The following SPO11 variants were observed in gnomAD, a reference collection of about 807,000 sequenced individuals.
The protein encoded by SPO11 is meiotic recombination protein SPO11.
Under a neutral mutation model 51.6 loss-of-function variants are expected in SPO11, and 49 were observed. The ratio of observed to expected loss-of-function variants is 0.95; its 90% CI spans 0.75 to 1.20. SPO11 has a LOEUF of 1.20. SPO11 is among the 50% of genes most tolerant of loss of function. The pLI, the probability that SPO11 is intolerant of heterozygous loss-of-function variation, is 0.00. For synonymous variants in SPO11, 176 were observed against 158.2 expected (o/e 1.11, Z -0.84); for missense variants, 431 against 473.4 (o/e 0.91, Z 0.83).
rs1161658920 is a variant in SPO11 at position 57,334,077 on chromosome 20, AAGG to A, written c.498_500del (p.Arg166del). On this transcript the variant is annotated inframe_deletion, in exon 5 of 13. Coordinates refer to ENST00000371263, the MANE Select transcript of SPO11 (RefSeq NM_012444.3). ...ACATTTCTTGCATGTTAAAAGTGTC[AAGG>A]AGGAGTCTACATATAGTAAGTAGTA... 1.3e-6 allele frequency: 2 copies of A among 1,573,590 alleles called. No homozygotes were observed. The highest frequency in any genetic ancestry group is 1.4e-5 in the African/African-American group (1 of 73,946).
chr20:57,340,504 C>T (rs1240493938), intron 11 of SPO11, among the ~76,000 whole-genome samples: 1 of 152,224 alleles, frequency 6.6e-6, no homozygotes, highest in Admixed American at 6.5e-5. Flanking sequence ...TGGCTGACGC[C>T]TGTAATCCCA....
At chr20:57,331,162 A>G (rs2066444395) in intron 1 of SPO11, among the ~76,000 whole-genome samples, 2 of 152,248 alleles carry the variant, frequency 1.3e-5, no homozygotes, top group Admixed American at 6.5e-5. Context: ...ATTAACAGTC[A>G]GCTGACAGAA....
In SPO11 at chr20:57,334,215, C is replaced by T. The variant is rs548396383; in HGVS notation, c.510+120C>T. On this transcript the variant is annotated intron_variant, in intron 5 of 12. Transcript: ENST00000371263. ...TGTCGCCTAGGCTGGAGTGCAGTGG[C>T]GCGATCTCAACTCACTGCAAGCTCT... 317 of 324,310 alleles carry T rather than the reference C, an allele frequency of 9.8e-4. 1 individual carries two copies. The highest frequency in any genetic ancestry group is 2.2e-3 in the Middle Eastern group (2 of 926). 20.1% of individuals were successfully genotyped at this position (324,310 alleles called of 1,614,324 possible).
intron 3 of SPO11, 122 bp from the exon 4 acceptor site, chr20:57,333,565 C>A: frequency 1.5e-6 from 1 of 683,604 alleles, no homozygotes; most frequent in Admixed American, 3.0e-5. Flanking sequence ...CTTAACCCTC[C>A]CATTTTGGAA....
At position 57,338,983 on chromosome 20, in the gene SPO11, T is replaced by C; in HGVS notation, c.845-6T>C. 6.8e-7 allele frequency: 1 copy of C among 1,479,462 alleles called. No individual in the cohort carries two copies. Among genetic ancestry groups the C allele is most frequent in the Middle Eastern group, 1.8e-4 (1 of 5,710 alleles). The allele number at this position is 1,479,462 out of a possible 1,614,324, so 91.6% of individuals were successfully genotyped here. The stretch of plus-strand genomic sequence containing the variant: ...ACTAATTTTATAGTTAACTTTCTTT[T>C]AACAGGCATAGAAATAATGTGCATC... On this transcript the variant is annotated splice_polypyrimidine_tract_variant and splice_region_variant and intron_variant, in intron 9 of 12. Coordinates refer to ENST00000371263, the MANE Select transcript of SPO11 (RefSeq NM_012444.3).
chr20:57,338,141 T>C (rs2066535554), intron 8 of SPO11, 135 bp from the exon 9 acceptor site: 1 of 672,406 alleles, frequency 1.5e-6, no homozygotes, highest in South Asian at 1.9e-5. Flanking sequence ...TCCCCCTACC[T>C]TGGCCTCCCA....
In SPO11 at chr20:57,329,891, C is replaced by T. The variant is rs1568754791; in HGVS notation, c.24C>T (p.Pro8=). Residue 8 remains proline (P), a synonymous_variant, in exon 1 of 13, where the codon CCC becomes CCT. Coordinates refer to ENST00000371263, the MANE Select transcript of SPO11 (RefSeq NM_012444.3). MAFAPMG[P]EASFFDVLDR... ...TCATGGCCTTTGCACCTATGGGGCC[C>T]GAGGCCTCGTTCTTCGACGTTTTGG... 6 of 1,613,724 alleles carry T rather than the reference C, an allele frequency of 3.7e-6. No homozygotes were observed. Among genetic ancestry groups the T allele is most frequent in the African/African-American group, 1.3e-5 (1 of 75,066 alleles).
chr20:57,339,385 C>T (rs2066552181), intron 10 of SPO11, among the ~76,000 whole-genome samples: 1 of 152,110 alleles, frequency 6.6e-6, no homozygotes, highest in South Asian at 2.1e-4. Context: ...TTTTCTAATC[C>T]CTTTTCTCCC....
At chr20:57,335,344 A>AC in intron 6 of SPO11, 75 bp from the exon 7 acceptor site, 6 of 1,259,592 alleles carry the variant, frequency 4.8e-6, no homozygotes, top group Non-Finnish European at 6.7e-6. Context: ...AAAAATAAAA[A>AC]CAGAGGGCTT....
At position 57,338,360 on chromosome 20, in the gene SPO11, G is replaced by A; in HGVS notation, c.829G>A (p.Asp277Asn). The A allele has an allele frequency of 6.2e-7, 1 of 1,610,036 alleles. No individual in the cohort carries two copies. Residue 277 changes from aspartate (D) to asparagine (N), a missense_variant, in exon 9 of 13, where the codon GAT becomes AAT. Physicochemically the swap from Asp to Asn is conservative, Grantham distance 23. Transcript: ENST00000371263. ...TCATGTTCCTGTTTTCACTCTTGTA[G>A]ATGCTGATCCACATGGTAATTTATC... ...TFHVPVFTLVDADPHGIEIMC... is the reference protein window; with the variant it reads ...TFHVPVFTLVNADPHGIEIMC...
chr20:57,337,668 C>G, intron 8 of SPO11: 1 of 979,652 alleles, frequency 1.0e-6, no homozygotes, highest in South Asian at 1.4e-5. Flanking sequence ...TCCTTAGGAC[C>G]ATTTCCTAGG....
chr20:57,338,200 AATTAT>A (rs1209373088), intron 8 of SPO11, 71 bp from the exon 9 acceptor site: 1 of 1,102,752 alleles, frequency 9.1e-7, no homozygotes, highest in Non-Finnish European at 1.3e-6. Flanking sequence ...CTAACTTTTA[AATTAT>A]TAATAAGAGT....
chr20:57,336,957 T>C (rs2066520052), intron 8 of SPO11, among the ~76,000 whole-genome samples: 1 of 152,178 alleles, frequency 6.6e-6, no homozygotes, highest in Non-Finnish European at 1.5e-5. Context: ...ACCACGTCTC[T>C]ATGGCTATTC....
rs1317334972 is a variant in SPO11 at position 57,338,798 on chromosome 20, G to T, written c.845-191G>T. On this transcript the variant is annotated intron_variant, in intron 9 of 12. Coordinates refer to ENST00000371263, the MANE Select transcript of SPO11 (RefSeq NM_012444.3). ...CTTATGAAACATTTTAAAAGAAAATGATTACATTAAAATTTGGTCTATAAT... is the reference window on the plus strand; with the variant it reads ...CTTATGAAACATTTTAAAAGAAAATTATTACATTAAAATTTGGTCTATAAT... Among the ~76,000 whole-genome samples the T allele has an allele frequency of 3.3e-5, 5 of 152,002 alleles. 1 individual carries two copies. Among genetic ancestry groups the T allele is most frequent in the Non-Finnish European group, 5.9e-5 (4 of 68,004 alleles).
At position 57,335,855 on chromosome 20, in the gene SPO11, G is replaced by A. The variant is rs1375570979; in HGVS notation, c.692G>A (p.Arg231Gln). Residue 231 changes from arginine to glutamine, a missense_variant, in exon 8 of 13, where the codon CGG becomes CAG. This residue lies in a region of SPO11 where 405 missense variants were observed against 425.9 expected (regional missense o/e 0.95). Coordinates refer to ENST00000371263, the MANE Select transcript of SPO11 (RefSeq NM_012444.3). ...LIVEKDATFQ[R>Q]LLDDNFCNKL... ...GTAGAAAAAGATGCAACATTTCAGCGGCTCCTAGATGACAACTTTTGCAAC... is the reference window on the plus strand; with the variant it reads ...GTAGAAAAAGATGCAACATTTCAGCAGCTCCTAGATGACAACTTTTGCAAC... The A allele has an allele frequency of 3.7e-6, 6 of 1,612,954 alleles. No individual in the cohort carries two copies. Among genetic ancestry groups the A allele is most frequent in the South Asian group, 3.3e-5 (3 of 90,912 alleles).
intron 11 of SPO11, among the ~76,000 whole-genome samples, chr20:57,342,207 G>A (rs2066591008): frequency 6.6e-6 from 1 of 152,158 alleles, no homozygotes; most frequent in South Asian, 2.1e-4. Context: ...GTGTGTGTGT[G>A]TGTAAAATGA....
chr20:57,338,923 TTGAGAGTGCAAATTAACC>T, intron 9 of SPO11, 48 bp from the exon 10 acceptor site: 1 of 1,015,920 alleles, frequency 9.8e-7, no homozygotes, highest in Non-Finnish European at 1.5e-6. Flanking sequence ...TAGATAAAAT[TTGAGAGTGCAAATTAACC>T]TGTAATATGT....
At chr20:57,340,009 C>T (rs1201465177) in intron 10 of SPO11, 93 bp from the exon 11 acceptor site, 2 of 817,958 alleles carry the variant, frequency 2.4e-6, no homozygotes, top group East Asian at 2.6e-5. Flanking sequence ...TAGTACTTGT[C>T]CTTCTTAATA....
chr20:57,330,581 C>T (rs1301213553), intron 1 of SPO11, among the ~76,000 whole-genome samples: 1 of 152,038 alleles, frequency 6.6e-6, no homozygotes, highest in East Asian at 1.9e-4. Flanking sequence ...ATTACAGGAA[C>T]CCTCCAGCTA....
Sources: allele counts gnomAD v4.1 joint callset (sites outside exome capture counted in the v4.1 genomes callset), GRCh38; gene constraint gnomAD v4.1.1; regional missense constraint gnomAD v4.1.1; transcripts MANE v1.5; gene names NCBI Gene and HGNC (gene_info 2026-07-23, HGNC 2026-07-21).